The following CD40LG variants were observed in gnomAD, a reference collection of about 807,000 sequenced individuals.
CD40LG encodes the protein CD40 antigen ligand.
In CD40LG, 1 loss-of-function variant was observed where a neutral mutation model predicts 17.2. The ratio of observed to expected loss-of-function variants is 0.06; its 90% CI spans 0.02 to 0.28. The LOEUF (loss-of-function observed/expected upper bound fraction) is 0.28, where lower values mean the gene tolerates loss of function less well. Among genes scored for constraint, CD40LG ranks in the 10% least tolerant of loss-of-function variants. The pLI is 1.00. For missense variants in CD40LG, 133 were observed against 193.2 expected (o/e 0.69, Z 1.85); for synonymous variants, 66 against 74.4 (o/e 0.89, Z 0.58).
intron 2 of CD40LG, among the ~76,000 whole-genome samples, chrX:136,651,977 G>C (rs1403840979): frequency 9.0e-6 from 1 of 111,444 alleles, no homozygotes; most frequent in Non-Finnish European, 1.9e-5. Flanking sequence ...CATTATTTCA[G>C]GTTGGCTATG....
chrX:136,654,289 G>A, intron 2 of CD40LG, 84 bp from the exon 3 acceptor site: 1 of 684,253 alleles, frequency 1.5e-6, no homozygotes, highest in Non-Finnish European at 2.4e-6. Flanking sequence ...ACAGAGTAAT[G>A]ACAGATGCAA....
At chrX:136,650,063 T>C (rs913563862) in intron 1 of CD40LG, among the ~76,000 whole-genome samples, 1 of 112,545 alleles carries the variant, frequency 8.9e-6, no homozygotes, top group East Asian at 2.8e-4. Flanking sequence ...TCTGATAACA[T>C]GACATCTTAA....
At chrX:136,648,755 T>A (rs1468782962) in intron 1 of CD40LG, among the ~76,000 whole-genome samples, 2 of 112,305 alleles carry the variant, frequency 1.8e-5, no homozygotes, top group Admixed American at 1.9e-4. Flanking sequence ...TGATACATAG[T>A]AAGCACTATG....
intron 4 of CD40LG, 92 bp from the exon 5 acceptor site, chrX:136,658,947 A>G (rs1027349795): frequency 6.6e-5 from 66 of 1,002,920 alleles, no homozygotes; most frequent in Non-Finnish European, 8.7e-5. Context: ...CCCTATACAA[A>G]GCCAATATCC....
chrX:136,650,614 C>T (rs1446579991), intron 2 of CD40LG, among the ~76,000 whole-genome samples: 2 of 109,797 alleles, frequency 1.8e-5, no homozygotes, highest in Non-Finnish European at 3.8e-5. Flanking sequence ...GGAAAATACA[C>T]CCTTAGGGGC....
chrX:136,652,535 C>G (rs1041501062), intron 2 of CD40LG, among the ~76,000 whole-genome samples: 3 of 110,993 alleles, frequency 2.7e-5, no homozygotes, highest in African/African-American at 9.8e-5. Flanking sequence ...TCTCAATCCA[C>G]AACTTCAGTC....
At chrX:136,655,842 C>A (rs781084432) in intron 3 of CD40LG, among the ~76,000 whole-genome samples, 7 of 112,271 alleles carry the variant, frequency 6.2e-5, no homozygotes, top group Admixed American at 9.4e-5. Context: ...ATATCAGGCT[C>A]ATAACTGGAC....
intron 4 of CD40LG, among the ~76,000 whole-genome samples, chrX:136,658,152 G>C (rs1394440731): frequency 1.5e-4 from 17 of 111,852 alleles, no homozygotes; most frequent in African/African-American, 5.2e-4. Flanking sequence ...CTTGTGCCCT[G>C]ATAGACCTAA....
intron 3 of CD40LG, among the ~76,000 whole-genome samples, chrX:136,655,092 G>C (rs989846021): frequency 9.0e-6 from 1 of 111,499 alleles, no homozygotes; most frequent in African/African-American, 3.3e-5. Context: ...TACTACTCCA[G>C]AGAAGTCTTT....
At chrX:136,654,632 G>A (rs1162431974) in intron 3 of CD40LG, among the ~76,000 whole-genome samples, 1 of 111,689 alleles carries the variant, frequency 9.0e-6, no homozygotes, top group Non-Finnish European at 1.9e-5. Flanking sequence ...ATGAAAAAAG[G>A]ATGTGTTCCT....
At position 136,659,486 on chromosome X, in the gene CD40LG, C is replaced by A; in HGVS notation, c.*71C>A. On this transcript the variant is annotated 3_prime_UTR_variant, in exon 5 of 5. Coordinates refer to ENST00000370629, the MANE Select transcript of CD40LG (RefSeq NM_000074.3). Reference sequence around the variant, plus strand: ...TCATAATACAGCACAGCGGTTAAGCCCACCCCCTGTTAACTGCCTATTTAT... The same window carrying A: ...TCATAATACAGCACAGCGGTTAAGCACACCCCCTGTTAACTGCCTATTTAT... 9.3e-7 allele frequency: 1 copy of A among 1,080,248 alleles called. No homozygotes were observed. The highest frequency in any genetic ancestry group is 1.9e-5 in the South Asian group (1 of 53,570). The allele number at this position is 1,080,248 out of a possible 1,213,427, so 89.0% of individuals were successfully genotyped here.
At chrX:136,648,525 T>G (rs994784222) in intron 1 of CD40LG, 121 bp downstream of exon 1, 11 of 659,340 alleles carry the variant, frequency 1.7e-5, no homozygotes, top group Admixed American at 4.6e-5. Flanking sequence ...TGTGGCATAA[T>G]GTTTGTTGCC....
intron 2 of CD40LG, among the ~76,000 whole-genome samples, chrX:136,652,354 A>C (rs2076106326): frequency 9.0e-6 from 1 of 111,352 alleles, no homozygotes; most frequent in Non-Finnish European, 1.9e-5. Flanking sequence ...CTTTGAAAAA[A>C]CTCAATAGGA....
rs140974763 is a variant in CD40LG, at chrX:136,655,338, A to G, written c.346+908A>G. On this transcript the variant is annotated intron_variant, in intron 3 of 4. Coordinates refer to ENST00000370629, the MANE Select transcript of CD40LG (RefSeq NM_000074.3). ...TTCCAGGACCTTTCTTCTGCCACTC[A>G]CCTCCTTTTCTTGGACACACTAACG... is the stretch of plus-strand genomic sequence containing the variant. Among the ~76,000 whole-genome samples the G allele has an allele frequency of 2.9e-4, 32 of 110,631 alleles. No homozygotes were observed. In the East Asian group the frequency reaches 8.0e-3, roughly 28 times the overall value.
intron 1 of CD40LG, among the ~76,000 whole-genome samples, chrX:136,649,336 T>C (rs1405862186): frequency 8.9e-6 from 1 of 112,337 alleles, no homozygotes; most frequent in Non-Finnish European, 1.9e-5. Flanking sequence ...AGAATTAATG[T>C]CATGAGATTT....
chrX:136,656,534 C>A, intron 4 of CD40LG, 116 bp downstream of exon 4: 2 of 596,524 alleles, frequency 3.4e-6, no homozygotes, highest in Non-Finnish European at 5.8e-6. Context: ...TACAAACCTA[C>A]CCCTACACTT....
intron 4 of CD40LG, among the ~76,000 whole-genome samples, chrX:136,656,937 A>G (rs1379105521): frequency 1.8e-5 from 2 of 112,427 alleles, no homozygotes; most frequent in Non-Finnish European, 3.8e-5. Context: ...ACAACAGACG[A>G]CATATTGTGA....
intron 1 of CD40LG, among the ~76,000 whole-genome samples, chrX:136,648,646 CA>C (rs2076095887): frequency 8.9e-6 from 1 of 111,768 alleles, no homozygotes; most frequent in Admixed American, 9.5e-5. Flanking sequence ...TATCCTGGGG[CA>C]AGTGCCTCAG....
chrX:136,656,457 G>A (rs750722124), intron 4 of CD40LG, 39 bp downstream of exon 4: 47 of 1,094,671 alleles, frequency 4.3e-5, no homozygotes, highest in Non-Finnish European at 5.7e-5. Flanking sequence ...CACCCAAGGG[G>A]AAAGGCTGGG....
Sources: allele counts gnomAD v4.1 joint callset (sites outside exome capture counted in the v4.1 genomes callset), GRCh38; gene constraint gnomAD v4.1.1; transcripts MANE v1.5; gene names NCBI Gene and HGNC (gene_info 2026-07-23, HGNC 2026-07-21).